The following CYP19A1 variants were observed in gnomAD, a reference collection of about 807,000 sequenced individuals.
The protein encoded by CYP19A1 is aromatase.
Under a neutral mutation model 44.4 loss-of-function variants are expected in CYP19A1, and 32 were observed. That is an observed-to-expected ratio of 0.72 (90% CI 0.54 to 0.97). The LOEUF (loss-of-function observed/expected upper bound fraction) is 0.97, where lower values mean the gene tolerates loss of function less well. Among genes scored for constraint, CYP19A1 ranks in the 50% least tolerant of loss-of-function variants. CYP19A1 has a pLI of 0.00. For missense variants in CYP19A1, 598 were observed against 637.8 expected (o/e 0.94, Z 0.67); for synonymous variants, 212 against 215.6 (o/e 0.98, Z 0.14).
intron 1 of CYP19A1, among the ~76,000 whole-genome samples, chr15:51,317,334 C>T (rs2036445803): frequency 6.6e-6 from 1 of 152,162 alleles, no homozygotes; most frequent in Non-Finnish European, 1.5e-5. Flanking sequence ...TGGTCTTGAT[C>T]TCCTGACCTC....
chr15:51,234,926 C>T (rs2033288925), intron 3 of CYP19A1, among the ~76,000 whole-genome samples: 1 of 152,088 alleles, frequency 6.6e-6, no homozygotes. Context: ...AGGTAGATAT[C>T]CTTCTAGATA....
chr15:51,319,474 A>T (rs17523957), intron 1 of CYP19A1, among the ~76,000 whole-genome samples: 5,118 of 152,338 alleles, frequency 0.034, 127 homozygotes, highest in Non-Finnish European at 0.049. Flanking sequence ...GCACTGTAGC[A>T]TGATCAAAAT....
intron 2 of CYP19A1, among the ~76,000 whole-genome samples, chr15:51,237,671 T>C (rs746836284): frequency 1.3e-5 from 2 of 152,210 alleles, no homozygotes; most frequent in Non-Finnish European, 2.9e-5. Flanking sequence ...AACCTCTAGA[T>C]TGGAGTTTGA....
chr15:51,249,016 T>G (rs955673881), intron 1 of CYP19A1, among the ~76,000 whole-genome samples: 2 of 151,850 alleles, frequency 1.3e-5, no homozygotes, highest in African/African-American at 4.8e-5. Flanking sequence ...CTTGACTCAC[T>G]GCAACCTCCG....
chr15:51,262,802 G>A (rs1458275006), intron 1 of CYP19A1, among the ~76,000 whole-genome samples: 2 of 152,182 alleles, frequency 1.3e-5, no homozygotes, highest in African/African-American at 4.8e-5. Context: ...GCCTTTGGCA[G>A]ACAGAGCATG....
At chr15:51,292,126 A>G (rs899566896) in intron 1 of CYP19A1, among the ~76,000 whole-genome samples, 1 of 152,214 alleles carries the variant, frequency 6.6e-6, no homozygotes, top group African/African-American at 2.4e-5. Context: ...GACCCAATAA[A>G]GGTGGATGAA....
At chr15:51,264,705 G>A (rs912523360) in intron 1 of CYP19A1, among the ~76,000 whole-genome samples, 1 of 152,180 alleles carries the variant, frequency 6.6e-6, no homozygotes, top group Non-Finnish European at 1.5e-5. Context: ...GGGAAACAGG[G>A]AATAGGAACT....
At chr15:51,299,451 C>T (rs968179914) in intron 1 of CYP19A1, among the ~76,000 whole-genome samples, 1 of 152,216 alleles carries the variant, frequency 6.6e-6, no homozygotes, top group Non-Finnish European at 1.5e-5. Context: ...CTACTCCTGC[C>T]TCCACAGCTC....
At chr15:51,218,815 C>T (rs1231004494) in intron 5 of CYP19A1, among the ~76,000 whole-genome samples, 160 bp from the exon 6 acceptor site, 1 of 152,204 alleles carries the variant, frequency 6.6e-6, no homozygotes, top group Non-Finnish European at 1.5e-5. Flanking sequence ...GTTTTAGCCA[C>T]GTGAATACCA....
intron 1 of CYP19A1, among the ~76,000 whole-genome samples, chr15:51,286,634 C>T (rs183441444): frequency 8.7e-4 from 133 of 152,242 alleles, no homozygotes; most frequent in African/African-American, 3.0e-3. Context: ...CCAAGAAAAA[C>T]GAAGACCCTT....
intron 5 of CYP19A1, chr15:51,221,593 A>G (rs1278193226): frequency 6.6e-6 from 1 of 152,238 alleles, no homozygotes; most frequent in African/African-American, 2.4e-5. Context: ...ACAACTTTTC[A>G]AGAACTAGCT....
intron 6 of CYP19A1, 73 bp from the exon 7 acceptor site, chr15:51,215,890 G>A: frequency 6.2e-7 from 1 of 1,601,060 alleles, no homozygotes; most frequent in Non-Finnish European, 8.5e-7. Flanking sequence ...TATTTGCCAT[G>A]TATTTAGGTA....
intron 1 of CYP19A1, among the ~76,000 whole-genome samples, chr15:51,251,216 T>C (rs564584098): frequency 6.6e-6 from 1 of 152,258 alleles, no homozygotes; most frequent in Non-Finnish European, 1.5e-5. Context: ...CATGGAGTTG[T>C]GGGATTCCTT....
chr15:51,238,669 T>C (rs1444368397), intron 2 of CYP19A1, among the ~76,000 whole-genome samples: 3 of 152,160 alleles, frequency 2.0e-5, no homozygotes, highest in African/African-American at 7.2e-5. Context: ...TGTAAAAATC[T>C]TAATATTTGG....
chr15:51,281,929 G>A (rs1391549320), intron 1 of CYP19A1, among the ~76,000 whole-genome samples: 3 of 152,116 alleles, frequency 2.0e-5, no homozygotes, highest in African/African-American at 4.8e-5. Context: ...GGATAGAAAT[G>A]GAAGCAGAAA....
chr15:51,265,709 GA>G (rs28757145), intron 1 of CYP19A1, among the ~76,000 whole-genome samples: 1 of 152,086 alleles, frequency 6.6e-6, no homozygotes, highest in Non-Finnish European at 1.5e-5. Context: ...CCTCTTTTAA[GA>G]AAAAAATCAG....
intron 1 of CYP19A1, among the ~76,000 whole-genome samples, chr15:51,247,738 A>G (rs1325809996): frequency 6.6e-6 from 1 of 152,146 alleles, no homozygotes; most frequent in East Asian, 1.9e-4. Flanking sequence ...CTTCTTATAC[A>G]TCATTACCCC....
At chr15:51,306,603 A>G (rs548652786) in intron 1 of CYP19A1, among the ~76,000 whole-genome samples, 27 of 152,348 alleles carry the variant, frequency 1.8e-4, no homozygotes, top group African/African-American at 6.5e-4. Context: ...AAACATTTTT[A>G]ATGACAAAGT....
At chr15:51,261,852 G>T (rs1476297020) in intron 1 of CYP19A1, among the ~76,000 whole-genome samples, 1 of 152,178 alleles carries the variant, frequency 6.6e-6, no homozygotes, top group Non-Finnish European at 1.5e-5. Flanking sequence ...TGAAGCAGTA[G>T]AGTCTTCAGG....
Sources: allele counts gnomAD v4.1 joint callset (sites outside exome capture counted in the v4.1 genomes callset), GRCh38; gene constraint gnomAD v4.1.1; transcripts MANE v1.5; gene names NCBI Gene and HGNC (gene_info 2026-07-23, HGNC 2026-07-21).